SRCAP: variants seen among roughly 807,000 people sequenced by gnomAD.
SRCAP encodes chromatin remodeling protein SRCAP.
A neutral mutation model predicts 263.1 loss-of-function variants in SRCAP; 46 were observed. The ratio of observed to expected loss-of-function variants is 0.17; its 90% CI spans 0.14 to 0.22. SRCAP has a LOEUF of 0.22. SRCAP is among the 10% of genes least tolerant of loss of function. The probability of loss-of-function intolerance (pLI) is 1.00; values close to 1 mark genes in which losing one functional copy is unlikely to be tolerated. For missense variants in SRCAP, 3,695 were observed against 4,181.9 expected, an observed-to-expected ratio of 0.88 and a Z score of 3.21; for synonymous variants, 1,813 against 1,662.1, an observed-to-expected ratio of 1.09 and a Z score of -2.21.
chr16:30,716,895 C>T (rs920317692), intron 18 of SRCAP, among the ~76,000 whole-genome samples: 8 of 152,176 alleles, frequency 5.3e-5, no homozygotes, highest in Non-Finnish European at 8.8e-5. Context: ...TTCTTTCCAC[C>T]TTTTGTCTCT....
In SRCAP at chr16:30,739,792, G is replaced by C. The variant is rs2053207036; in HGVS notation, c.*59G>C. 1.4e-6 allele frequency: 2 copies of C among 1,443,266 alleles called. No homozygotes were observed. Among genetic ancestry groups the C allele is most frequent in the South Asian group, 3.0e-5 (2 of 66,686 alleles). 89.4% of individuals were successfully genotyped at this position (1,443,266 alleles called of 1,614,324 possible). A position where few individuals can be genotyped will look rare whatever the true frequency, so the allele number is the denominator to read the frequency against. The stretch of plus-strand genomic sequence containing the variant: ...GGCCACTCCCTCCATGACCAGGCCT[G>C]ACTCTGTTAACCACTACTTGAAGTC... On this transcript the variant is annotated 3_prime_UTR_variant, in exon 34 of 34. Transcript: ENST00000262518.
In SRCAP at chr16:30,740,371, C is replaced by T. The variant is rs183818756; in HGVS notation, c.*638C>T. ...ATCCTTTTCCTCTCATTTCTTTTCCCTCGGTTCCTAGACGTTCCTCGGAGC... is the reference window on the plus strand; with the variant it reads ...ATCCTTTTCCTCTCATTTCTTTTCCTTCGGTTCCTAGACGTTCCTCGGAGC... On this transcript the variant is annotated 3_prime_UTR_variant, in exon 34 of 34. Transcript: ENST00000262518. 2.6e-5 allele frequency: 4 copies of T among 152,388 alleles called. No individual in the cohort carries two copies. The highest frequency in any genetic ancestry group is 2.6e-4 in the Admixed American group (4 of 15,312). 9.4% of individuals were successfully genotyped at this position (152,388 alleles called of 1,614,324 possible).
At position 30,737,362 on chromosome 16, in the gene SRCAP, C is replaced by A; in HGVS notation, c.7322C>A (p.Pro2441His). The A allele has an allele frequency of 6.2e-7, 1 of 1,613,970 alleles. No homozygotes were observed. Among genetic ancestry groups the A allele is most frequent in the Non-Finnish European group, 8.5e-7 (1 of 1,179,960 alleles). The change falls in exon 34 of 34, where the codon CCT becomes CAT. Residue 2441 changes from proline to histidine, a missense_variant. Transcript: ENST00000262518. ...AGGGAGCGAGTTCCCAGGCCAGCAC[C>A]TAGGCCTCGACCCACTCCAGCTTCA... ...PARERVPRPA[P>H]RPRPTPASAP...
intron 27 of SRCAP, among the ~76,000 whole-genome samples, chr16:30,730,190 TAG>T (rs1417146330): frequency 6.6e-6 from 1 of 152,218 alleles, no homozygotes; most frequent in African/African-American, 2.4e-5. Context: ...CAGTGCAGCA[TAG>T]AGTTTTTATT....
rs555594161 is a variant in SRCAP at position 30,709,698 on chromosome 16, C to T, written c.819C>T (p.Ser273=). The change falls in exon 7 of 34, where the codon TCC becomes TCT. Residue 273 remains serine (S), a synonymous_variant. Transcript: ENST00000262518. ...SPCLGSSSAA[S]SPPPPASRLD... is the part of the protein sequence containing the mutation. ...GCCTCGGCTCTTCCTCAGCTGCCTC[C>T]AGTCCTCCACCCCCTGCTTCTCGCC... 5 of 1,614,182 alleles carry T rather than the reference C, an allele frequency of 3.1e-6. No homozygotes were observed. Among genetic ancestry groups the T allele is most frequent in the East Asian group, 2.2e-5 (1 of 44,882 alleles).
At chr16:30,715,878 G>T (rs146247710) in intron 16 of SRCAP, among the ~76,000 whole-genome samples, 188 bp from the exon 17 acceptor site, 1 of 152,212 alleles carries the variant, frequency 6.6e-6, no homozygotes, top group Non-Finnish European at 1.5e-5. Flanking sequence ...CCTGTGTCAT[G>T]GTATCATTTT....
At position 30,724,839 on chromosome 16, in the gene SRCAP, CTTG is replaced by C. The variant is rs746104237; in HGVS notation, c.5416_5418del (p.Leu1806del). The C allele has an allele frequency of 1.9e-6, 3 of 1,614,036 alleles. No homozygotes were observed. Among genetic ancestry groups the C allele is most frequent in the Non-Finnish European group, 1.7e-6 (2 of 1,179,916 alleles). On this transcript the variant is annotated inframe_deletion, in exon 25 of 34. Coordinates refer to ENST00000262518, the MANE Select transcript of SRCAP (RefSeq NM_006662.3). ...CCCTGGGCCCGGCCGCAGCTCAGAC[CTTG>C]GCGCTGGCCCCAGCCTCCACACAGT...
chr16:30,737,961 G>C lies in SRCAP; in HGVS notation c.7921G>C (p.Glu2641Gln), dbSNP rs767727785. The change falls in exon 34 of 34, where the codon GAG (glutamate) becomes CAG (glutamine). Residue 2641 changes from glutamate to glutamine, a missense_variant. Coordinates refer to ENST00000262518, the MANE Select transcript of SRCAP (RefSeq NM_006662.3). ...TTLTVLPEGEELPLCVSESNG... is the reference protein window; with the variant it reads ...TTLTVLPEGEQLPLCVSESNG... ...CCTTACAGTGCTGCCTGAAGGTGAG[G>C]AGTTGCCCCTGTGTGTGAGTGAGAG... 6.2e-7 allele frequency: 1 copy of C among 1,614,184 alleles called. No homozygotes were observed. Among genetic ancestry groups the C allele is most frequent in the South Asian group, 1.1e-5 (1 of 91,086 alleles).
chr16:30,703,527 T>C (rs1212855396), intron 3 of SRCAP, among the ~76,000 whole-genome samples: 2 of 151,886 alleles, frequency 1.3e-5, no homozygotes, highest in East Asian at 1.9e-4. Flanking sequence ...TTGGGAACTG[T>C]GTAAATGTCA....
At chr16:30,721,087 G>A (rs1396143984) in intron 20 of SRCAP, 102 bp from the exon 21 acceptor site, 21 of 1,535,140 alleles carry the variant, frequency 1.4e-5, no homozygotes, top group African/African-American at 4.1e-5. Context: ...TGGGGACACG[G>A]GTCTAGTATT....
chr16:30,724,102 C>G lies in SRCAP; in HGVS notation c.4678C>G (p.Pro1560Ala). Residue 1560 changes from proline to alanine, a missense_variant, in exon 25 of 34, where the codon CCG (proline) becomes GCG (alanine). Physicochemically the swap from Pro to Ala is conservative, Grantham distance 27 (BLOSUM62 -1). Around this residue, in one of 12 missense-constraint regions of SRCAP, gnomAD observed 1,347 missense variants for 1,304.4 expected, o/e 1.03. Coordinates refer to ENST00000262518, the MANE Select transcript of SRCAP (RefSeq NM_006662.3). ...AGCTTCGGCTCTGGCCAGTCCTTTT[C>G]CGTCAGCACCAAATCCAGCTCCAGC... Reference protein sequence around the residue: ...VPASALASPFPSAPNPAPAQA... With the variant: ...VPASALASPFASAPNPAPAQA... 6.2e-7 allele frequency: 1 copy of G among 1,613,732 alleles called. No individual in the cohort carries two copies. Among genetic ancestry groups the G allele is most frequent in the East Asian group, 2.2e-5 (1 of 44,878 alleles).
At chr16:30,704,009 A>G (rs1263061172) in intron 3 of SRCAP, 55 bp from the exon 4 acceptor site, 2 of 1,537,082 alleles carry the variant, frequency 1.3e-6, no homozygotes, top group Non-Finnish European at 1.8e-6. Flanking sequence ...ATGTATCTAA[A>G]ACACTCAGCA....
chr16:30,724,477 C>A lies in SRCAP; in HGVS notation c.5053C>A (p.Pro1685Thr), dbSNP rs2053043139. Reference sequence around the variant, plus strand: ...TTCTACGCAGACACTGGCCCTAGCCCCAGCTTTAGCACCCACTCTTGGAGG... The same window carrying A: ...TTCTACGCAGACACTGGCCCTAGCCACAGCTTTAGCACCCACTCTTGGAGG... ...PASTQTLALA[P>T]ALAPTLGGSS... is the part of the protein sequence containing the mutation. Residue 1685 changes from proline (P) to threonine (T), a missense_variant, in exon 25 of 34, where the codon CCA becomes ACA. Pro to Thr is a conservative substitution (Grantham distance 38, BLOSUM62 -1). This residue lies in a region of SRCAP where 1,347 missense variants were observed against 1,304.4 expected (regional missense o/e 1.03). Transcript: ENST00000262518. The A allele has an allele frequency of 1.9e-6, 3 of 1,614,080 alleles. No individual in the cohort carries two copies. The highest frequency in any genetic ancestry group is 4.5e-5 in the East Asian group (2 of 44,896).
chr16:30,736,897 C>T (rs2053165556), intron 33 of SRCAP, 152 bp from the exon 34 acceptor site: 2 of 906,928 alleles, frequency 2.2e-6, no homozygotes, highest in Middle Eastern at 2.8e-4. Flanking sequence ...TGGTCTTGAA[C>T]TCCTGACCTC....
In SRCAP at chr16:30,716,285, T is replaced by C; in HGVS notation, c.2631-8T>C. 1 of 1,613,644 alleles carries C rather than the reference T, an allele frequency of 6.2e-7. No individual in the cohort carries two copies. The highest frequency in any genetic ancestry group is 1.1e-5 in the South Asian group (1 of 91,078). The stretch of plus-strand genomic sequence containing the variant: ...AGGACGTCTCATTTATTTTTCCTCT[T>C]TCCCCAGAACTAAGGAGACACTAGC... On this transcript the variant is annotated splice_polypyrimidine_tract_variant and splice_region_variant and intron_variant, in intron 17 of 33. Coordinates refer to ENST00000262518, the MANE Select transcript of SRCAP (RefSeq NM_006662.3).
intron 21 of SRCAP, 64 bp downstream of exon 21, chr16:30,721,540 C>A: frequency 6.4e-7 from 1 of 1,553,456 alleles, no homozygotes; most frequent in Non-Finnish European, 8.7e-7. Flanking sequence ...ACCATGAGAG[C>A]ATCAAATTTT....
chr16:30,723,162 C>A lies in SRCAP; in HGVS notation c.4092C>A (p.Pro1364=). The change falls in exon 24 of 34, where the codon CCC becomes CCA. Residue 1364 remains proline (P), a synonymous_variant. Coordinates refer to ENST00000262518, the MANE Select transcript of SRCAP (RefSeq NM_006662.3). ...CTACTCTGGGTACTGCTCGAGCCCC[C>A]ATGCCCACACCCACTCTGGTGAGGC... ...PTPTLGTARA[P]MPTPTLVRPL... The A allele has an allele frequency of 6.2e-7, 1 of 1,614,166 alleles. No homozygotes were observed. Among genetic ancestry groups the A allele is most frequent in the South Asian group, 1.1e-5 (1 of 91,076 alleles).
intron 20 of SRCAP, 86 bp downstream of exon 20, chr16:30,721,064 T>C: frequency 6.5e-7 from 1 of 1,543,372 alleles, no homozygotes; most frequent in South Asian, 1.3e-5. Flanking sequence ...TTAAAGGGTT[T>C]GAGGAGCTGG....
In SRCAP at chr16:30,740,671, G is replaced by A. The variant is rs2053215305; in HGVS notation, c.*938G>A. ...CCAAGCCAAACCAAAGCTGAGGCAGGAGCCGAAACTCAGAGTCCTTCAAGG... is the reference window on the plus strand; with the variant it reads ...CCAAGCCAAACCAAAGCTGAGGCAGAAGCCGAAACTCAGAGTCCTTCAAGG... On this transcript the variant is annotated 3_prime_UTR_variant, in exon 34 of 34. Transcript: ENST00000262518. The A allele has an allele frequency of 1.3e-5, 2 of 152,226 alleles. No homozygotes were observed. The highest frequency in any genetic ancestry group is 3.2e-3 in the Middle Eastern group (1 of 316). 9.4% of individuals were successfully genotyped at this position (152,226 alleles called of 1,614,324 possible).
Sources: allele counts gnomAD v4.1 joint callset (sites outside exome capture counted in the v4.1 genomes callset), GRCh38; gene constraint gnomAD v4.1.1; regional missense constraint gnomAD v4.1.1; transcripts MANE v1.5; gene names NCBI Gene and HGNC (gene_info 2026-07-23, HGNC 2026-07-21).